The following ZSCAN2 variants were observed in gnomAD, a reference collection of about 807,000 sequenced individuals.
The protein encoded by ZSCAN2 is zinc finger and SCAN domain-containing protein 2.
ZSCAN2 carries 26 observed loss-of-function variants against 47.8 expected under a neutral mutation model. That is an observed-to-expected ratio of 0.54 (90% CI 0.40 to 0.75). The LOEUF is 0.75. Among genes scored for constraint, ZSCAN2 ranks in the 30% least tolerant of loss-of-function variants. ZSCAN2 has a pLI of 0.00. For missense variants in ZSCAN2, 732 were observed against 785.4 expected (o/e 0.93, Z 0.81); for synonymous variants, 305 against 288.7 (o/e 1.06, Z -0.57).
chr15:84,611,383 A>T (rs1374788138), intron 2 of ZSCAN2, among the ~76,000 whole-genome samples: 2 of 152,140 alleles, frequency 1.3e-5, no homozygotes, highest in African/African-American at 2.4e-5. Context: ...TGAGCCTGGG[A>T]GGTCAAGACT....
At chr15:84,612,666 C>T (rs1319835008) in intron 2 of ZSCAN2, among the ~76,000 whole-genome samples, 1 of 151,750 alleles carries the variant, frequency 6.6e-6, no homozygotes, top group Non-Finnish European at 1.5e-5. Context: ...ACCCGGTAGG[C>T]GGAGCTTGCA....
rs1895861526 is a variant in ZSCAN2, at chr15:84,623,653, G to A, written c.*1613G>A. ...CTCCTACACATGGGGCCTGTGCTCAGAATGGGCTTAGTTCTTATAGGATGG... is the reference window on the plus strand; with the variant it reads ...CTCCTACACATGGGGCCTGTGCTCAAAATGGGCTTAGTTCTTATAGGATGG... On this transcript the variant is annotated 3_prime_UTR_variant, in exon 3 of 3. Coordinates refer to ENST00000546148, the MANE Select transcript of ZSCAN2 (RefSeq NM_181877.4). 6.0e-6 allele frequency: 1 copy of A among 167,174 alleles called. No homozygotes were observed. Among genetic ancestry groups the A allele is most frequent in the Non-Finnish European group, 1.5e-5 (1 of 68,220 alleles). The allele number at this position is 167,174 out of a possible 1,614,324, so 10.4% of individuals were successfully genotyped here. A position where few individuals can be genotyped will look rare whatever the true frequency, so the allele number is the denominator to read the frequency against.
In ZSCAN2 at chr15:84,620,702, T is replaced by A. The variant is rs1327820426; in HGVS notation, c.507T>A (p.Ala169=). The A allele has an allele frequency of 1.2e-6, 2 of 1,614,110 alleles. No individual in the cohort carries two copies. The highest frequency in any genetic ancestry group is 1.3e-5 in the African/African-American group (1 of 74,938). The change falls in exon 3 of 3, where the codon GCT becomes GCA. Residue 169 remains alanine (A), a synonymous_variant. Coordinates refer to ENST00000546148, the MANE Select transcript of ZSCAN2 (RefSeq NM_181877.4). ...IFSEMPEGES[A]QHSDGESDFE... ...CGGAAATGCCTGAAGGTGAAAGTGC[T>A]CAGCACTCCGATGGGGAAAGTGACT...
intron 1 of ZSCAN2, among the ~76,000 whole-genome samples, chr15:84,603,550 A>G (rs1336165522): frequency 6.6e-6 from 1 of 151,660 alleles, no homozygotes; most frequent in East Asian, 1.9e-4. Flanking sequence ...TGTATTTTTA[A>G]TAGAAATGGG....
At chr15:84,617,184 C>T (rs1286487391) in intron 2 of ZSCAN2, among the ~76,000 whole-genome samples, 1 of 151,988 alleles carries the variant, frequency 6.6e-6, no homozygotes, top group Non-Finnish European at 1.5e-5. Context: ...GCCTCTAATC[C>T]CAGCACTTTG....
intron 2 of ZSCAN2, among the ~76,000 whole-genome samples, chr15:84,619,416 C>T (rs916817832): frequency 6.7e-5 from 10 of 149,150 alleles, no homozygotes; most frequent in African/African-American, 2.2e-4. Context: ...GGCCACACAG[C>T]GAGACTCCGT....
chr15:84,621,319 C>T lies in ZSCAN2; in HGVS notation c.1124C>T (p.Ser375Phe). The T allele has an allele frequency of 6.2e-7, 1 of 1,613,952 alleles. No homozygotes were observed. Among genetic ancestry groups the T allele is most frequent in the Non-Finnish European group, 8.5e-7 (1 of 1,179,996 alleles). ...KECGESFSYN[S>F]NLIRHQRIHT... ...TGCGGCGAAAGCTTTAGTTACAACT[C>T]CAATCTAATCAGACACCAGAGAATC... The change falls in exon 3 of 3, where the codon TCC becomes TTC. Residue 375 changes from serine to phenylalanine, a missense_variant. Ser to Phe is a radical substitution (Grantham distance 155). Transcript: ENST00000546148. This position sits in a 1 kb window ranked among gnomAD's most constrained non-coding sequence, Gnocchi z 5.7.
chr15:84,603,835 A>G lies in ZSCAN2; in HGVS notation c.-93A>G. On this transcript the variant is annotated 5_prime_UTR_variant, in exon 2 of 3. Coordinates refer to ENST00000546148, the MANE Select transcript of ZSCAN2 (RefSeq NM_181877.4). ...TGTTTCTCAGCGGGACTACTTGTTG[A>G]TATTTGAGGAGGGAAGTGTCTTACC... is the stretch of plus-strand genomic sequence containing the variant. 3 of 1,414,996 alleles carry G rather than the reference A, an allele frequency of 2.1e-6. No individual in the cohort carries two copies. Among genetic ancestry groups the G allele is most frequent in the East Asian group, 4.6e-5 (2 of 43,534 alleles). The allele number at this position is 1,414,996 out of a possible 1,614,324, so 87.7% of individuals were successfully genotyped here.
chr15:84,614,931 C>G (rs1201744739), intron 2 of ZSCAN2: 1 of 150,976 alleles, frequency 6.6e-6, no homozygotes, highest in Non-Finnish European at 1.5e-5. Context: ...TTCTTATATC[C>G]TTACAGGTTT....
chr15:84,612,660 G>A (rs951503355), intron 2 of ZSCAN2, among the ~76,000 whole-genome samples: 1 of 152,084 alleles, frequency 6.6e-6, no homozygotes, highest in African/African-American at 2.4e-5. Context: ...GCGTGAACCC[G>A]GTAGGCGGAG....
chr15:84,616,424 G>A, intron 2 of ZSCAN2: 1 of 1,579,312 alleles, frequency 6.3e-7, no homozygotes, highest in Non-Finnish European at 8.6e-7. Context: ...AACACAGGAA[G>A]TGATTTTCTG....
intron 2 of ZSCAN2, among the ~76,000 whole-genome samples, chr15:84,610,731 C>T (rs1895523798): frequency 6.6e-6 from 1 of 152,096 alleles, no homozygotes; most frequent in Non-Finnish European, 1.5e-5. Flanking sequence ...AGGCAATTCG[C>T]CCGCCTCTGC....
chr15:84,614,182 G>A (rs1055100514), intron 2 of ZSCAN2, among the ~76,000 whole-genome samples: 1 of 151,206 alleles, frequency 6.6e-6, no homozygotes, highest in South Asian at 2.1e-4. Flanking sequence ...GTAGAGATGA[G>A]GTCTTGGCTG....
At chr15:84,606,458 T>C in intron 2 of ZSCAN2, 1 of 1,273,980 alleles carries the variant, frequency 7.8e-7, no homozygotes, top group Non-Finnish European at 1.1e-6. Context: ...TTGATTTTCT[T>C]TGGCCCTGAA....
chr15:84,622,307 C>G lies in ZSCAN2; in HGVS notation c.*267C>G. The G allele has an allele frequency of 2.6e-5, 15 of 574,274 alleles. 1 individual carries two copies. In the South Asian group the frequency reaches 3.3e-4, roughly 13 times the overall value. The allele number at this position is 574,274 out of a possible 1,614,324, so 35.6% of individuals were successfully genotyped here. ...CATTGGGTGACTTGATTGGCCCCCT[C>G]TCATGATTCCTCTGTGCCTCAGTTT... On this transcript the variant is annotated 3_prime_UTR_variant, in exon 3 of 3. Transcript: ENST00000546148.
chr15:84,608,014 T>G (rs1895432184), intron 2 of ZSCAN2, among the ~76,000 whole-genome samples: 1 of 152,182 alleles, frequency 6.6e-6, no homozygotes, highest in Non-Finnish European at 1.5e-5. Flanking sequence ...ATTTGGATTC[T>G]CTCTCTTGGC....
rs1895287084 is a variant in ZSCAN2, at chr15:84,603,860, C to T, written c.-68C>T. The T allele has an allele frequency of 1.3e-6, 2 of 1,538,466 alleles. No homozygotes were observed. Among genetic ancestry groups the T allele is most frequent in the Admixed American group, 2.0e-5 (1 of 51,066 alleles). On this transcript the variant is annotated 5_prime_UTR_variant, in exon 2 of 3. Transcript: ENST00000546148. ...ATATTTGAGGAGGGAAGTGTCTTAC[C>T]TGAGAGCCTGGCTGGAGAAGACTGA...
intron 2 of ZSCAN2, among the ~76,000 whole-genome samples, chr15:84,610,417 G>GAATA (rs1895509812): frequency 6.6e-6 from 1 of 151,536 alleles, no homozygotes; most frequent in Admixed American, 6.6e-5. Flanking sequence ...TATGAAGTGT[G>GAATA]AATAAGCAAT....
Position 84,604,089 on chromosome 15 carries a change from G to A in ZSCAN2, c.162G>A (p.Glu54=), listed in dbSNP as rs759480367. ...AVLQEDGPES[E]PFPQSAGKGG... ...TGCAGGAGGATGGCCCTGAGTCTGAGCCCTTTCCCCAGAGTGCTGGCAAGG... is the reference window on the plus strand; with the variant it reads ...TGCAGGAGGATGGCCCTGAGTCTGAACCCTTTCCCCAGAGTGCTGGCAAGG... Residue 54 remains glutamate, a synonymous_variant, in exon 2 of 3, where the codon GAG becomes GAA. Transcript: ENST00000546148. The A allele has an allele frequency of 6.2e-6, 10 of 1,614,050 alleles. No individual in the cohort carries two copies. In the East Asian group the frequency reaches 1.8e-4, roughly 29 times the overall value.
Sources: allele counts gnomAD v4.1 joint callset (sites outside exome capture counted in the v4.1 genomes callset), GRCh38; gene constraint gnomAD v4.1.1; non-coding constraint Gnocchi (gnomAD v3.1); transcripts MANE v1.5; gene names NCBI Gene and HGNC (gene_info 2026-07-23, HGNC 2026-07-21).